PKIG: variants seen among roughly 807,000 people sequenced by gnomAD.
PKIG encodes the protein protein kinase (cAMP-dependent, catalytic) inhibitor gamma.
In PKIG, 1 loss-of-function variant was observed where a neutral mutation model predicts 6.8. The ratio of observed to expected loss-of-function variants is 0.15; its 90% CI spans 0.05 to 0.69. The LOEUF (loss-of-function observed/expected upper bound fraction) is 0.69, where lower values mean the gene tolerates loss of function less well. PKIG is among the 30% of genes least tolerant of loss of function. PKIG has a pLI of 0.82. For missense variants in PKIG, 77 were observed against 104.0 expected (o/e 0.74, Z 1.13); for synonymous variants, 39 against 43.0 (o/e 0.91, Z 0.36).
chr20:44,581,032 A>G (rs2123338443), upstream of PKIG, among the ~76,000 whole-genome samples: 1 of 152,256 alleles, frequency 6.6e-6, no homozygotes, highest in Non-Finnish European at 1.5e-5. Flanking sequence ...TTCCTTTCCC[A>G]GGCTGGCTGC....
chr20:44,567,747 A>C (rs2064822071), intron 1 of PKIG, among the ~76,000 whole-genome samples: 1 of 152,254 alleles, frequency 6.6e-6, no homozygotes, highest in African/African-American at 2.4e-5. Context: ...GATTAAGAAC[A>C]GGAGCAGGGC....
At chr20:44,543,366 C>T (rs781188756) in intron 1 of PKIG, among the ~76,000 whole-genome samples, 18 of 151,560 alleles carry the variant, frequency 1.2e-4, no homozygotes, top group Non-Finnish European at 2.4e-4. Context: ...TAAAATAACT[C>T]AATATTTGCA....
rs542780113 is a variant in PKIG, at chr20:44,541,441, A to G, written c.-241+9463A>G. On this transcript the variant is annotated intron_variant, in intron 1 of 4. Transcript: ENST00000372887. The stretch of plus-strand genomic sequence containing the variant: ...GTAGCTGGGACTACAGGTGTGTGCC[A>G]CCACATCCAGCTAATTTTAAAATTT... 7.9e-5 allele frequency among the ~76,000 whole-genome samples: 12 copies of G among 152,182 alleles called. No individual in the cohort carries two copies. The South Asian group carries it at 1.9e-3, about 24-fold the overall frequency.
intron 2 of PKIG, among the ~76,000 whole-genome samples, chr20:44,603,402 G>T (rs2065138258): frequency 6.6e-6 from 1 of 152,148 alleles, no homozygotes; most frequent in Non-Finnish European, 1.5e-5. Context: ...GGGTGTGACT[G>T]TTAGCCCCGC....
At position 44,614,276 on chromosome 20, in the gene PKIG, G is replaced by A; in HGVS notation, c.-23-258G>A. 1 of 361,574 alleles carries A rather than the reference G, an allele frequency of 2.8e-6. No individual in the cohort carries two copies. Among genetic ancestry groups the A allele is most frequent in the Non-Finnish European group, 5.1e-6 (1 of 195,900 alleles). The allele number at this position is 361,574 out of a possible 1,614,324, so 22.4% of individuals were successfully genotyped here. ...CCTGGCGCATGGTATTAATAAATGT[G>A]TGTACATGTTTGTCAATAATTTTAT... On this transcript the variant is annotated intron_variant, in intron 2 of 3. Transcript: ENST00000372886. This position sits in a 1 kb window ranked among gnomAD's most constrained non-coding sequence, Gnocchi z 4.6.
intron 1 of PKIG, among the ~76,000 whole-genome samples, chr20:44,546,439 G>A (rs552860848): frequency 6.6e-6 from 1 of 152,180 alleles, no homozygotes; most frequent in South Asian, 2.1e-4. Context: ...TTATGTATGG[G>A]TTACTGTGTA....
At chr20:44,587,807 T>C (rs1439165439) in intron 1 of PKIG, among the ~76,000 whole-genome samples, 1 of 152,180 alleles carries the variant, frequency 6.6e-6, no homozygotes, top group African/African-American at 2.4e-5. Flanking sequence ...CAAAGTCTCA[T>C]GTTTGTTTGC....
chr20:44,605,207 C>T (rs2065153421), intron 2 of PKIG, among the ~76,000 whole-genome samples: 1 of 151,794 alleles, frequency 6.6e-6, no homozygotes, highest in South Asian at 2.1e-4. Flanking sequence ...AGATCGAGAC[C>T]ATCCTGGCTG....
chr20:44,559,765 A>G (rs1191245520), intron 1 of PKIG, among the ~76,000 whole-genome samples: 1 of 152,250 alleles, frequency 6.6e-6, no homozygotes, highest in Non-Finnish European at 1.5e-5. Flanking sequence ...TTCTTGGTGA[A>G]TATTCAGATT....
At chr20:44,549,564 C>G (rs1049498307) in intron 1 of PKIG, among the ~76,000 whole-genome samples, 2 of 152,192 alleles carry the variant, frequency 1.3e-5, no homozygotes, top group East Asian at 3.8e-4. Flanking sequence ...GTGGCTCACA[C>G]CTATAATCGC....
chr20:44,604,336 G>A (rs865974899), intron 2 of PKIG, among the ~76,000 whole-genome samples: 1 of 152,230 alleles, frequency 6.6e-6, no homozygotes, highest in South Asian at 2.1e-4. Context: ...AGTCCTGGAG[G>A]AGGGAGAGCA....
intron 1 of PKIG, among the ~76,000 whole-genome samples, chr20:44,577,305 G>GTT (rs1250761381): frequency 6.6e-6 from 1 of 151,454 alleles, no homozygotes; most frequent in Non-Finnish European, 1.5e-5. Context: ...ATTTTTTTGT[G>GTT]TTTTTTTTAG....
chr20:44,572,028 G>A (rs1367528622), intron 1 of PKIG, among the ~76,000 whole-genome samples: 1 of 152,212 alleles, frequency 6.6e-6, no homozygotes, highest in East Asian at 1.9e-4. Flanking sequence ...TTTTGAGACG[G>A]AGTCTCGCTC....
intron 2 of PKIG, among the ~76,000 whole-genome samples, chr20:44,613,466 C>T (rs6094001): frequency 9.9e-5 from 15 of 152,174 alleles, no homozygotes; most frequent in Non-Finnish European, 1.3e-4. Context: ...TTCCATGTAC[C>T]TAGCCTACCT....
At chr20:44,545,548 T>C (rs1043526028) in intron 1 of PKIG, among the ~76,000 whole-genome samples, 7 of 152,082 alleles carry the variant, frequency 4.6e-5, no homozygotes, top group African/African-American at 1.4e-4. Context: ...TTCTGACAGA[T>C]AGGGTAACTC....
chr20:44,540,706 T>C (rs2064553913), intron 1 of PKIG, among the ~76,000 whole-genome samples: 1 of 151,814 alleles, frequency 6.6e-6, no homozygotes, highest in Non-Finnish European at 1.5e-5. Context: ...GCCTCCTGAG[T>C]AGCTGGGATT....
chr20:44,563,126 C>G (rs575323460), intron 1 of PKIG, among the ~76,000 whole-genome samples: 10 of 152,214 alleles, frequency 6.6e-5, no homozygotes, highest in African/African-American at 2.2e-4. Context: ...CACTAGGAGT[C>G]TACCAAGCAC....
chr20:44,580,529 G>A (rs751436530), upstream of PKIG, among the ~76,000 whole-genome samples: 4 of 151,856 alleles, frequency 2.6e-5, no homozygotes, highest in African/African-American at 4.8e-5. Flanking sequence ...TTGTATTTTA[G>A]TAGAGATGGA....
At chr20:44,569,625 A>C (rs1359075761) in intron 1 of PKIG, among the ~76,000 whole-genome samples, 2 of 149,452 alleles carry the variant, frequency 1.3e-5, no homozygotes, top group African/African-American at 4.9e-5. Flanking sequence ...TTTTTTTTTG[A>C]GGTGGAGTTT....
Sources: gnomAD v4.1 joint callset for allele counts (sites outside exome capture counted in the v4.1 genomes callset) on GRCh38, gnomAD v4.1.1 for gene constraint, Gnocchi (gnomAD v3.1) non-coding constraint, MANE v1.5 for transcripts, NCBI Gene and HGNC (gene_info 2026-07-23, HGNC 2026-07-21) for gene names.